The following XPR1 variants were observed in gnomAD, a reference collection of about 807,000 sequenced individuals.
XPR1 encodes the protein xenotropic and polytropic retrovirus receptor 1.
A neutral mutation model predicts 87.5 loss-of-function variants in XPR1; 28 were observed. That is an observed-to-expected ratio of 0.32 (90% CI 0.24 to 0.44). The LOEUF (loss-of-function observed/expected upper bound fraction) is 0.44. Ranked by LOEUF, XPR1 falls within the 20% of genes least tolerant of loss-of-function variation. XPR1 has a pLI of 1.00. For synonymous variants in XPR1, 300 were observed against 306.1 expected, an observed-to-expected ratio of 0.98 and a Z score of 0.21; for missense variants, 559 against 862.3, an observed-to-expected ratio of 0.65 and a Z score of 4.41.
chr1:180,881,177 T>C (rs1301483856), intron 14 of XPR1, among the ~76,000 whole-genome samples: 1 of 152,158 alleles, frequency 6.6e-6, no homozygotes, highest in Non-Finnish European at 1.5e-5. Flanking sequence ...TAATTTTTTT[T>C]TTTTGAGATG....
intron 1 of XPR1, among the ~76,000 whole-genome samples, chr1:180,680,534 T>A (rs1478599657): frequency 6.6e-6 from 1 of 151,946 alleles, no homozygotes; most frequent in Admixed American, 6.6e-5. Flanking sequence ...CCAGCTAATT[T>A]TTGTATTTTT....
intron 1 of XPR1, among the ~76,000 whole-genome samples, chr1:180,669,088 TAAAAAA>T (rs747188399): frequency 8.9e-5 from 10 of 111,834 alleles, no homozygotes; most frequent in Non-Finnish European, 1.5e-4. Flanking sequence ...AAACTCTGTC[TAAAAAA>T]AAAAAAAAAA....
intron 12 of XPR1, among the ~76,000 whole-genome samples, chr1:180,873,560 A>ATT (rs1347996961): frequency 1.3e-5 from 2 of 152,218 alleles, no homozygotes; most frequent in African/African-American, 4.8e-5. Context: ...TTTGTTAATG[A>ATT]TTACTCAAAT....
At chr1:180,638,658 A>G (rs12064567) in intron 1 of XPR1, among the ~76,000 whole-genome samples, 1,913 of 152,248 alleles carry the variant, frequency 0.013, 30 homozygotes, top group African/African-American at 0.044. Flanking sequence ...ACAGAAAAAA[A>G]CCAAAACACA....
In XPR1 at chr1:180,658,821, G is replaced by A. The variant is rs564942150; in HGVS notation, c.70-23539G>A. On this transcript the variant is annotated intron_variant, in intron 1 of 14. Transcript: ENST00000367590. ...CCTGACCTCGTGATCCACCCGCCTC[G>A]GCCTCCCAAAGTGCTGGGATTACAG... 4.6e-5 allele frequency among the ~76,000 whole-genome samples: 7 copies of A among 151,376 alleles called. 1 individual carries two copies. The South Asian group carries it at 1.0e-3, about 23-fold the overall frequency.
chr1:180,636,827 G>A (rs191875046), intron 1 of XPR1, among the ~76,000 whole-genome samples: 4 of 152,104 alleles, frequency 2.6e-5, no homozygotes, highest in African/African-American at 4.8e-5. Flanking sequence ...CGAGGCAGGC[G>A]GATCACTTGA....
chr1:180,665,340 T>G (rs1448998993), intron 1 of XPR1, among the ~76,000 whole-genome samples: 1 of 152,128 alleles, frequency 6.6e-6, no homozygotes, highest in Non-Finnish European at 1.5e-5. Context: ...TATGGGAATT[T>G]CAATTCAAGA....
At chr1:180,689,759 T>C (rs878949924) in intron 2 of XPR1, among the ~76,000 whole-genome samples, 1 of 152,202 alleles carries the variant, frequency 6.6e-6, no homozygotes, top group African/African-American at 2.4e-5. Context: ...TGTACCATAT[T>C]TATGTAAGAC....
chr1:180,816,014 T>C (rs1397438691), intron 7 of XPR1, among the ~76,000 whole-genome samples: 5 of 152,194 alleles, frequency 3.3e-5, no homozygotes, highest in Non-Finnish European at 7.3e-5. Flanking sequence ...CACTCAAATA[T>C]TCATAAATTG....
chr1:180,640,861 C>T (rs1654940949), intron 1 of XPR1, among the ~76,000 whole-genome samples: 1 of 152,132 alleles, frequency 6.6e-6, no homozygotes, highest in Non-Finnish European at 1.5e-5. Context: ...TGTTTGGCTT[C>T]TGGATCATAA....
Position 180,659,193 on chromosome 1 carries a change from TCTTCCTTCCTTC to T in XPR1, c.70-23120_70-23109del, listed in dbSNP as rs550840483. On this transcript the variant is annotated intron_variant, in intron 1 of 14. Transcript: ENST00000367590. ...ACTAGGGATATTGGCCTGTAGTCAG[TCTTCCTTCCTTC>T]CTTCCTTCCTTCCTTCCTTCCTTCC... Among the ~76,000 whole-genome samples the T allele has an allele frequency of 5.7e-3, 453 of 79,818 alleles. 4 individuals are homozygous for T. Among genetic ancestry groups the T allele is most frequent in the East Asian group, 0.012 (22 of 1,874 alleles). 52.4% of individuals were successfully genotyped at this position (79,818 alleles called of 152,430 possible).
At chr1:180,738,383 A>G (rs1266548199) in intron 2 of XPR1, among the ~76,000 whole-genome samples, 1 of 152,208 alleles carries the variant, frequency 6.6e-6, no homozygotes. Flanking sequence ...CCAGCAACAT[A>G]AGAGTTGGAG....
chr1:180,825,502 A>G (rs1650798038), intron 9 of XPR1, among the ~76,000 whole-genome samples, 158 bp downstream of exon 9: 1 of 152,180 alleles, frequency 6.6e-6, no homozygotes, highest in African/African-American at 2.4e-5. Flanking sequence ...ACTCACGTAT[A>G]TTTTCCTCCT....
chr1:180,791,062 T>C (rs1649360366), intron 3 of XPR1, among the ~76,000 whole-genome samples: 1 of 152,068 alleles, frequency 6.6e-6, no homozygotes, highest in African/African-American at 2.4e-5. Context: ...AATGTCTAGA[T>C]TGAGAAAGCG....
intron 3 of XPR1, among the ~76,000 whole-genome samples, chr1:180,799,504 C>T (rs1230938197): frequency 6.6e-6 from 1 of 152,188 alleles, no homozygotes; most frequent in East Asian, 1.9e-4. Flanking sequence ...GCTTTACTGT[C>T]TTTGCTGTGA....
At position 180,822,589 on chromosome 1, in the gene XPR1, C is replaced by G. The variant is rs527999208; in HGVS notation, c.764-2164C>G. ...GAATGGTGTCAGGTGTAATAGGCAC[C>G]TAATCAATACTTGTCAAATGAAGGA... is the stretch of plus-strand genomic sequence containing the variant. On this transcript the variant is annotated intron_variant, in intron 7 of 14. Transcript: ENST00000367590. Among the ~76,000 whole-genome samples the G allele has an allele frequency of 1.7e-3, 257 of 152,172 alleles. 1 individual carries two copies. The highest frequency in any genetic ancestry group is 6.0e-3 in the African/African-American group (251 of 41,528).
intron 13 of XPR1, 140 bp downstream of exon 13, chr1:180,874,082 GAATT>G: frequency 9.2e-7 from 1 of 1,081,194 alleles, no homozygotes; most frequent in Non-Finnish European, 1.3e-6. Context: ...CTCAGCCTTA[GAATT>G]GGAAAACCAT....
intron 1 of XPR1, among the ~76,000 whole-genome samples, chr1:180,646,910 A>T (rs529266398): frequency 1.3e-5 from 2 of 152,328 alleles, no homozygotes; most frequent in African/African-American, 4.8e-5. Context: ...CTACCACAAG[A>T]TGCAGCTTAA....
intron 2 of XPR1, among the ~76,000 whole-genome samples, chr1:180,690,159 A>C (rs998173427): frequency 6.6e-6 from 1 of 152,116 alleles, no homozygotes; most frequent in Non-Finnish European, 1.5e-5. Context: ...CTGTCTAAAA[A>C]AAAAAAAAAA....
Sources: allele counts gnomAD v4.1 joint callset (sites outside exome capture counted in the v4.1 genomes callset), GRCh38; gene constraint gnomAD v4.1.1; transcripts MANE v1.5; gene names NCBI Gene and HGNC (gene_info 2026-07-23, HGNC 2026-07-21).